The following DARS1 variants were observed in gnomAD, a reference collection of about 807,000 sequenced individuals.
DARS1 encodes aspartyl-tRNA synthetase 1, also known as aspartate--tRNA ligase, cytoplasmic.
Under a neutral mutation model 68.8 loss-of-function variants are expected in DARS1, and 51 were observed. The ratio of observed to expected loss-of-function variants is 0.74; its 90% CI spans 0.59 to 0.94. The LOEUF (loss-of-function observed/expected upper bound fraction) is 0.94, where lower values mean the gene tolerates loss of function less well. Among genes scored for constraint, DARS1 ranks in the 40% least tolerant of loss-of-function variants. The pLI is 0.00. For synonymous variants in DARS1, 203 were observed against 190.4 expected, an observed-to-expected ratio of 1.07 and a Z score of -0.55; for missense variants, 607 against 597.3, an observed-to-expected ratio of 1.02 and a Z score of -0.17.
chr2:135,979,189 G>T, intron 3 of DARS1, 85 bp downstream of exon 3: 1 of 745,328 alleles, frequency 1.3e-6, no homozygotes. Flanking sequence ...TGTTTTTAAA[G>T]ATTTACTTTG....
intron 11 of DARS1, among the ~76,000 whole-genome samples, chr2:135,915,397 T>C (rs1418202473): frequency 6.6e-6 from 1 of 152,174 alleles, no homozygotes; most frequent in Non-Finnish European, 1.5e-5. Context: ...AGTGATCCAA[T>C]TGCCTCAGCC....
chr2:135,936,249 A>G (rs1390074746), intron 5 of DARS1, among the ~76,000 whole-genome samples: 1 of 152,222 alleles, frequency 6.6e-6, no homozygotes, highest in African/African-American at 2.4e-5. Flanking sequence ...TATTTTTATT[A>G]TGGCAAATTC....
chr2:135,921,136 T>C (rs1681103262), intron 9 of DARS1, among the ~76,000 whole-genome samples: 1 of 149,480 alleles, frequency 6.7e-6, no homozygotes, highest in African/African-American at 2.5e-5. Context: ...CCAGCCTTAA[T>C]ATCCTCAGTG....
At chr2:135,919,649 A>G (rs1431957570) in intron 10 of DARS1, among the ~76,000 whole-genome samples, 1 of 152,228 alleles carries the variant, frequency 6.6e-6, no homozygotes, top group Non-Finnish European at 1.5e-5. Flanking sequence ...CATCATAAAT[A>G]AACAACTTTC....
At chr2:135,977,307 C>G (rs1378847728) in intron 3 of DARS1, among the ~76,000 whole-genome samples, 1 of 152,134 alleles carries the variant, frequency 6.6e-6, no homozygotes, top group Non-Finnish European at 1.5e-5. Context: ...AGATTGTAAG[C>G]ACAAATCCAG....
At chr2:135,967,643 A>G (rs1200275579) in intron 3 of DARS1, among the ~76,000 whole-genome samples, 1 of 152,186 alleles carries the variant, frequency 6.6e-6, no homozygotes, top group Non-Finnish European at 1.5e-5. Flanking sequence ...AAAAATATAC[A>G]GGCTTTTCTT....
At position 135,985,555 on chromosome 2, in the gene DARS1, C is replaced by CG; in HGVS notation, c.-88_-87insC. 6.2e-7 allele frequency: 1 copy of CG among 1,601,606 alleles called. No homozygotes were observed. Among genetic ancestry groups the CG allele is most frequent in the Non-Finnish European group, 8.5e-7 (1 of 1,174,306 alleles). On this transcript the variant is annotated 5_prime_UTR_variant, in exon 1 of 16. Transcript: ENST00000264161. ...AAGGGGCTTCTCCCTCCCTCCCAGTCTCCGCCCTCCCGACCCTGGGGTCTC... is the reference window on the plus strand; with the variant it reads ...AAGGGGCTTCTCCCTCCCTCCCAGTCGTCCGCCCTCCCGACCCTGGGGTCTC...
chr2:135,911,099 G>C (rs774685673), intron 15 of DARS1, 40 bp downstream of exon 15: 1 of 857,480 alleles, frequency 1.2e-6, no homozygotes, highest in East Asian at 2.4e-5. Flanking sequence ...ATTATACTTA[G>C]AACTTATGAA....
intron 5 of DARS1, among the ~76,000 whole-genome samples, chr2:135,941,061 A>G (rs1045448805): frequency 2.6e-5 from 4 of 152,376 alleles, no homozygotes; most frequent in South Asian, 4.1e-4. Flanking sequence ...GGAAGAATCA[A>G]TATTGTGAAA....
In DARS1 at chr2:135,907,407, C is replaced by T. The variant is rs1484314850; in HGVS notation, c.1415G>A (p.Gly472Glu). Residue 472 changes from glycine (G) to glutamate (E), a missense_variant and splice_region_variant, in exon 16 of 16, where the codon GGA (glycine) becomes GAA (glutamate). Coordinates refer to ENST00000264161, the MANE Select transcript of DARS1 (RefSeq NM_001349.4). ...AAACAGCATAGTAACTCGTTCCAATCCTGGGGAAGACAAAAATAATCATTA... is the reference window on the plus strand; with the variant it reads ...AAACAGCATAGTAACTCGTTCCAATTCTGGGGAAGACAAAAATAATCATTA... The part of the protein sequence containing the change: ...GAPPHAGGGI[G>E]LERVTMLFLG... 6.2e-7 allele frequency: 1 copy of T among 1,602,608 alleles called. No individual in the cohort carries two copies. Among genetic ancestry groups the T allele is most frequent in the Non-Finnish European group, 8.5e-7 (1 of 1,172,944 alleles).
At chr2:135,914,085 T>A (rs1184741470) in intron 12 of DARS1, among the ~76,000 whole-genome samples, 3 of 152,178 alleles carry the variant, frequency 2.0e-5, no homozygotes, top group African/African-American at 7.2e-5. Flanking sequence ...AGCTATTACA[T>A]AAGAGGGAGA....
rs1018616695 is a variant in DARS1, at chr2:135,916,191, GAACTTAAAGT to G, written c.1106+25_1106+34del. 6 of 1,330,744 alleles carry G rather than the reference GAACTTAAAGT, an allele frequency of 4.5e-6. No homozygotes were observed. In the African/African-American group the frequency reaches 7.3e-5, roughly 16 times the overall value. The allele number at this position is 1,330,744 out of a possible 1,614,324, so 82.4% of individuals were successfully genotyped here. ...CTGCACGTTCTGCACATGGATCCTG[GAACTTAAAGT>G]AAAAAAAAAGCCACAAAGACAAACC... On this transcript the variant is annotated intron_variant, in intron 11 of 15. Transcript: ENST00000264161.
chr2:135,933,541 A>G (rs545071771), intron 6 of DARS1, among the ~76,000 whole-genome samples: 2 of 152,334 alleles, frequency 1.3e-5, no homozygotes, highest in East Asian at 3.9e-4. Context: ...TGCTTTGGAC[A>G]ACTGTAATTT....
intron 4 of DARS1, among the ~76,000 whole-genome samples, chr2:135,952,170 G>C (rs1299772825): frequency 6.6e-6 from 1 of 152,178 alleles, no homozygotes; most frequent in Non-Finnish European, 1.5e-5. Flanking sequence ...CTTGAACCTG[G>C]GAGGCAGAGG....
chr2:135,960,565 G>T (rs1682077256), intron 4 of DARS1, among the ~76,000 whole-genome samples: 1 of 151,786 alleles, frequency 6.6e-6, no homozygotes, highest in African/African-American at 2.4e-5. Context: ...TACTCTGATT[G>T]AATTCTTTCT....
intron 3 of DARS1, among the ~76,000 whole-genome samples, chr2:135,975,323 C>T (rs776667049): frequency 2.7e-5 from 4 of 150,460 alleles, no homozygotes; most frequent in South Asian, 4.2e-4. Context: ...CCAGCCTGGG[C>T]GACAGAGCGA....
At chr2:135,970,647 T>G (rs922601180) in intron 3 of DARS1, among the ~76,000 whole-genome samples, 3 of 151,048 alleles carry the variant, frequency 2.0e-5, no homozygotes, top group African/African-American at 7.3e-5. Flanking sequence ...GGAAACAATA[T>G]AAAAGATCAA....
At chr2:135,938,611 A>G (rs1396309710) in intron 5 of DARS1, among the ~76,000 whole-genome samples, 1 of 152,198 alleles carries the variant, frequency 6.6e-6, no homozygotes, top group Non-Finnish European at 1.5e-5. Context: ...TCAACTAACA[A>G]GCAAAATAAC....
intron 12 of DARS1, among the ~76,000 whole-genome samples, chr2:135,913,119 C>T (rs145455988): frequency 3.2e-4 from 48 of 150,632 alleles, no homozygotes; most frequent in African/African-American, 1.1e-3. Flanking sequence ...CTTTGATAAA[C>T]ATCTTTGATT....
Sources: allele counts gnomAD v4.1 joint callset (sites outside exome capture counted in the v4.1 genomes callset), GRCh38; gene constraint gnomAD v4.1.1; transcripts MANE v1.5; gene names NCBI Gene and HGNC (gene_info 2026-07-23, HGNC 2026-07-21).